Variants in CHCHD6 observed in about 807,000 individuals in gnomAD.
The protein encoded by CHCHD6 is MICOS complex subunit MIC25.
CHCHD6 carries 28 observed loss-of-function variants against 32.3 expected under a neutral mutation model. The ratio of observed to expected loss-of-function variants is 0.87; its 90% CI spans 0.64 to 1.19. The LOEUF (loss-of-function observed/expected upper bound fraction) is 1.19. Among genes scored for constraint, CHCHD6 ranks in the 50% most tolerant of loss-of-function variants. The probability of loss-of-function intolerance (pLI) is 0.00; values close to 1 mark genes in which losing one functional copy is unlikely to be tolerated. For synonymous variants in CHCHD6, 122 were observed against 117.5 expected (o/e 1.04, Z -0.25); for missense variants, 333 against 307.0 (o/e 1.08, Z -0.63).
intron 6 of CHCHD6, among the ~76,000 whole-genome samples, chr3:126,927,399 G>A (rs1398865883): frequency 6.6e-6 from 1 of 152,190 alleles, no homozygotes; most frequent in Non-Finnish European, 1.5e-5. Context: ...CAGTCCTGTT[G>A]GGTTCTAAAT....
chr3:126,800,223 AGG>A (rs988597491), intron 4 of CHCHD6, among the ~76,000 whole-genome samples: 1 of 152,202 alleles, frequency 6.6e-6, no homozygotes, highest in Non-Finnish European at 1.5e-5. Context: ...GTGAGACTTG[AGG>A]GCATCTGGGC....
intron 4 of CHCHD6, among the ~76,000 whole-genome samples, chr3:126,825,787 G>A (rs1307310509): frequency 6.6e-6 from 1 of 151,992 alleles, no homozygotes; most frequent in African/African-American, 2.4e-5. Context: ...ATAGTTAAAG[G>A]TGTATCTCTT....
At chr3:126,858,041 G>A (rs1436439576) in intron 5 of CHCHD6, among the ~76,000 whole-genome samples, 1 of 152,160 alleles carries the variant, frequency 6.6e-6, no homozygotes, top group Non-Finnish European at 1.5e-5. Context: ...CTGAAAATGA[G>A]GAGAGAGGCA....
At chr3:126,958,061 C>G (rs1177935884) in intron 7 of CHCHD6, 1 of 194,034 alleles carries the variant, frequency 5.2e-6, no homozygotes, top group Non-Finnish European at 1.1e-5. Context: ...TGAGTGGTCC[C>G]AAGCCTCATG....
intron 5 of CHCHD6, among the ~76,000 whole-genome samples, chr3:126,863,481 C>G (rs1317088568): frequency 1.0e-4 from 15 of 145,044 alleles, no homozygotes; most frequent in Admixed American, 9.5e-4. Context: ...CCACCACCAT[C>G]ACCACCTCCT....
At chr3:126,720,378 C>CG (rs1935225391) in intron 1 of CHCHD6, among the ~76,000 whole-genome samples, 1 of 152,178 alleles carries the variant, frequency 6.6e-6, no homozygotes, top group South Asian at 2.1e-4. Flanking sequence ...GACACCCAAC[C>CG]GGGGCTTCTA....
chr3:126,790,830 G>A (rs527713534), intron 4 of CHCHD6, among the ~76,000 whole-genome samples: 2 of 152,334 alleles, frequency 1.3e-5, no homozygotes, highest in South Asian at 4.1e-4. Context: ...AGTTGTCAAA[G>A]TCATTCTCCA....
chr3:126,901,559 T>C (rs1239235785), intron 5 of CHCHD6, among the ~76,000 whole-genome samples: 1 of 152,216 alleles, frequency 6.6e-6, no homozygotes, highest in Non-Finnish European at 1.5e-5. Flanking sequence ...CCAACAGGAA[T>C]TGACTCAAAT....
chr3:126,872,820 G>A (rs567660061), intron 5 of CHCHD6, among the ~76,000 whole-genome samples: 2 of 152,348 alleles, frequency 1.3e-5, no homozygotes, highest in East Asian at 3.9e-4. Context: ...CTGCCCTGCT[G>A]CTCCTTCCCT....
At position 126,834,053 on chromosome 3, in the gene CHCHD6, C is replaced by CAAAAA. The variant is rs55790919; in HGVS notation, c.412-18573_412-18569dup. On this transcript the variant is annotated intron_variant, in intron 4 of 7. Transcript: ENST00000290913. The stretch of plus-strand genomic sequence containing the variant: ...TGGGCGACAGAGCGAGACTCCGTCT[C>CAAAAA]AAAAAAAAAAAAAAAAAAAAAAAAA... Among the ~76,000 whole-genome samples the CAAAAA allele has an allele frequency of 1.7e-3, 76 of 44,356 alleles. 2 individuals are homozygous for CAAAAA. Among genetic ancestry groups the CAAAAA allele is most frequent in the African/African-American group, 3.1e-3 (43 of 13,864 alleles). 29.1% of individuals were successfully genotyped at this position (44,356 alleles called of 152,430 possible).
At chr3:126,936,009 G>A (rs2078475715) in intron 6 of CHCHD6, among the ~76,000 whole-genome samples, 1 of 152,192 alleles carries the variant, frequency 6.6e-6, no homozygotes, top group South Asian at 2.1e-4. Context: ...GAAAGACCTT[G>A]GCCGCTCCTA....
intron 4 of CHCHD6, among the ~76,000 whole-genome samples, chr3:126,813,881 G>GA (rs1217997943): frequency 1.3e-5 from 2 of 152,200 alleles, no homozygotes; most frequent in East Asian, 3.8e-4. Context: ...TTGATCGGGG[G>GA]ATCTGTGGAG....
chr3:126,726,025 T>C (rs1185641975), intron 1 of CHCHD6, among the ~76,000 whole-genome samples: 1 of 152,230 alleles, frequency 6.6e-6, no homozygotes, highest in Admixed American at 6.5e-5. Context: ...GAGTAGCACA[T>C]GTAACTTCTT....
chr3:126,756,460 G>A (rs1320716881), intron 4 of CHCHD6, among the ~76,000 whole-genome samples: 1 of 152,138 alleles, frequency 6.6e-6, no homozygotes, highest in East Asian at 1.9e-4. Flanking sequence ...TTTCCATTCT[G>A]ATGTACATGC....
intron 3 of CHCHD6, among the ~76,000 whole-genome samples, chr3:126,732,201 A>T (rs770305347): frequency 6.6e-6 from 1 of 152,156 alleles, no homozygotes; most frequent in Non-Finnish European, 1.5e-5. Context: ...TTTAGAAAAT[A>T]TACAAAGTGA....
At chr3:126,932,629 G>GCCCTT (rs1350846062) in intron 6 of CHCHD6, among the ~76,000 whole-genome samples, 2 of 152,336 alleles carry the variant, frequency 1.3e-5, no homozygotes, top group East Asian at 3.9e-4. Context: ...GAGAGCCTGA[G>GCCCTT]CCCTTCCCGC....
chr3:126,946,492 A>G (rs1032600690), intron 6 of CHCHD6, among the ~76,000 whole-genome samples: 3 of 152,074 alleles, frequency 2.0e-5, no homozygotes, highest in Non-Finnish European at 2.9e-5. Flanking sequence ...CTTGGGAGCA[A>G]TGCACCCCCA....
chr3:126,889,272 G>T (rs1326713638), intron 5 of CHCHD6, among the ~76,000 whole-genome samples: 1 of 152,188 alleles, frequency 6.6e-6, no homozygotes, highest in Non-Finnish European at 1.5e-5. Context: ...TGAAGGTGGT[G>T]GCAGGAGCTG....
intron 4 of CHCHD6, among the ~76,000 whole-genome samples, chr3:126,844,208 T>C (rs1377452037): frequency 1.3e-5 from 2 of 152,234 alleles, no homozygotes; most frequent in Non-Finnish European, 2.9e-5. Flanking sequence ...GATGTAGTGT[T>C]GTATACATGT....
Sources: gnomAD v4.1 joint callset for allele counts (sites outside exome capture counted in the v4.1 genomes callset) on GRCh38, gnomAD v4.1.1 for gene constraint, MANE v1.5 for transcripts, NCBI Gene and HGNC (gene_info 2026-07-23, HGNC 2026-07-21) for gene names.